Variants in TPRG1 observed in about 807,000 individuals in gnomAD.
The protein encoded by TPRG1 is tumor protein p63-regulated gene 1 protein.
Under a neutral mutation model 29.3 loss-of-function variants are expected in TPRG1, and 29 were observed. The ratio of observed to expected loss-of-function variants is 0.99; its 90% CI spans 0.74 to 1.35. The LOEUF is 1.35. TPRG1 is among the 40% of genes most tolerant of loss of function. The pLI, the probability that TPRG1 is intolerant of heterozygous loss-of-function variation, is 0.00. For missense variants in TPRG1, 327 were observed against 335.0 expected (o/e 0.98, Z 0.19); for synonymous variants, 130 against 116.8 (o/e 1.11, Z -0.73).
chr3:189,251,878 A>G (rs971999534), intron 4 of TPRG1, among the ~76,000 whole-genome samples: 6 of 152,124 alleles, frequency 3.9e-5, no homozygotes, highest in Admixed American at 3.9e-4. Flanking sequence ...GCAAAGAGGC[A>G]TGCCTTCCTC....
chr3:189,308,253 C>G (rs1284143246), intron 4 of TPRG1, among the ~76,000 whole-genome samples: 1 of 152,184 alleles, frequency 6.6e-6, no homozygotes, highest in African/African-American at 2.4e-5. Context: ...AGTGTCAAAA[C>G]CGAGACTGTA....
chr3:189,167,553 C>T (rs1728310325), upstream of TPRG1, among the ~76,000 whole-genome samples: 1 of 152,112 alleles, frequency 6.6e-6, no homozygotes, highest in African/African-American at 2.4e-5. Context: ...ATCCAGCCTC[C>T]TTGTTCAAGA....
intron 3 of TPRG1, among the ~76,000 whole-genome samples, chr3:189,230,786 T>C (rs1738519187): frequency 1.3e-5 from 2 of 152,116 alleles, no homozygotes; most frequent in Admixed American, 6.5e-5. Context: ...ATTGGATCAG[T>C]AGGGGGATTA....
Position 189,094,772 on chromosome 3 carries a change from C to G in TPRG1, c.-462-32285C>G, listed in dbSNP as rs563309647. The stretch of plus-strand genomic sequence containing the variant: ...AGACATGATAGGTAGTGCTGAGTAT[C>G]TGTGTGTGTCAATGTTGATGGGGGA... On this transcript the variant is annotated intron_variant, in intron 4 of 10. Coordinates refer to the TPRG1 transcript ENST00000433971. 2.6e-5 allele frequency among the ~76,000 whole-genome samples: 4 copies of G among 152,286 alleles called. No individual in the cohort carries two copies. In the South Asian group the frequency reaches 8.3e-4, roughly 32 times the overall value.
intron 1 of TPRG1, among the ~76,000 whole-genome samples, chr3:189,202,853 C>A (rs1733720281): frequency 6.6e-6 from 1 of 152,288 alleles, no homozygotes; most frequent in South Asian, 2.1e-4. Context: ...CCAGAACTCA[C>A]TGGGCTCAGA....
At chr3:189,131,627 C>T (rs1034752599) in intron 2 of TPRG1, among the ~76,000 whole-genome samples, 1 of 152,146 alleles carries the variant, frequency 6.6e-6, no homozygotes, top group African/African-American at 2.4e-5. Context: ...GCAGGTGAAG[C>T]CAAAATGCAG....
At chr3:189,168,814 T>A (rs981974460), upstream of TPRG1, among the ~76,000 whole-genome samples, 1 of 152,152 alleles carries the variant, frequency 6.6e-6, no homozygotes, top group South Asian at 2.1e-4. Flanking sequence ...ACAGTACCTA[T>A]TTACCCCCAG....
At chr3:189,053,198 GA>G (rs1234517501) in intron 4 of TPRG1, among the ~76,000 whole-genome samples, 2 of 152,126 alleles carry the variant, frequency 1.3e-5, no homozygotes, top group Non-Finnish European at 2.9e-5. Flanking sequence ...GCACTTTTAG[GA>G]AGACAGCTTT....
Position 189,085,208 on chromosome 3 carries a change from C to T in TPRG1, c.-462-41849C>T, listed in dbSNP as rs149540564. The stretch of plus-strand genomic sequence containing the variant: ...TACCAAGTGGGGCATAGGTACATTA[C>T]GGTCCTATAGGTGGGGTGAGGTGAA... On this transcript the variant is annotated intron_variant, in intron 4 of 10. Transcript: ENST00000433971. Among the ~76,000 whole-genome samples the T allele has an allele frequency of 9.2e-5, 14 of 152,254 alleles. 1 individual carries two copies. The highest frequency in any genetic ancestry group is 6.5e-5 in the Admixed American group (1 of 15,294).
chr3:189,050,586 G>A (rs1049159380), intron 4 of TPRG1, among the ~76,000 whole-genome samples: 18 of 152,120 alleles, frequency 1.2e-4, no homozygotes, highest in African/African-American at 4.3e-4. Context: ...ATTCTATGAA[G>A]CCAGCCTCAC....
At position 189,020,909 on chromosome 3, in the gene TPRG1, G is replaced by A. The variant is rs1100316; in HGVS notation, c.-659-2841G>A. 6.0e-4 allele frequency among the ~76,000 whole-genome samples: 22 copies of A among 36,434 alleles called. 2 individuals carry two copies. The highest frequency in any genetic ancestry group is 1.5e-3 in the African/African-American group (20 of 13,686). 23.9% of individuals were successfully genotyped at this position (36,434 alleles called of 152,430 possible). On this transcript the variant is annotated intron_variant, in intron 3 of 10. Coordinates refer to the TPRG1 transcript ENST00000433971. ...CTGAGGACTTGCTTTATGAATCTGG[G>A]TGCTCCTGTATTGGGTGCATATATA...
At chr3:189,309,753 T>C (rs987699063) in intron 4 of TPRG1, 20 of 152,344 alleles carry the variant, frequency 1.3e-4, no homozygotes, top group African/African-American at 4.8e-4. Flanking sequence ...CCACATCTTG[T>C]GGATTAAGAC....
chr3:189,078,929 G>A (rs930807104), intron 4 of TPRG1, among the ~76,000 whole-genome samples: 30 of 152,302 alleles, frequency 2.0e-4, no homozygotes, highest in African/African-American at 7.0e-4. Flanking sequence ...CTGTCATCGT[G>A]TCTCAGTCTG....
intron 1 of TPRG1, among the ~76,000 whole-genome samples, chr3:189,183,406 C>T (rs558066320): frequency 6.6e-5 from 10 of 152,170 alleles, no homozygotes; most frequent in African/African-American, 1.2e-4. Flanking sequence ...AATGAAGTTT[C>T]GGGCACCATT....
chr3:189,130,740 TA>T (rs560597216), intron 2 of TPRG1, among the ~76,000 whole-genome samples: 151 of 152,292 alleles, frequency 9.9e-4, no homozygotes, highest in Non-Finnish European at 1.4e-3. Flanking sequence ...CAATGTCTGT[TA>T]AAAAAATCCA....
chr3:189,239,239 C>T (rs184810807), intron 4 of TPRG1, among the ~76,000 whole-genome samples: 37 of 152,070 alleles, frequency 2.4e-4, no homozygotes, highest in African/African-American at 7.0e-4. Context: ...CTTATATGGC[C>T]GCAGCAAGAG....
chr3:189,227,566 A>C (rs1231965919), intron 3 of TPRG1, among the ~76,000 whole-genome samples: 1 of 152,170 alleles, frequency 6.6e-6, no homozygotes, highest in Non-Finnish European at 1.5e-5. Flanking sequence ...AGAAGTAGAG[A>C]GAAGCTTCTT....
At chr3:189,056,103 T>C (rs1292981120) in intron 4 of TPRG1, among the ~76,000 whole-genome samples, 1 of 141,884 alleles carries the variant, frequency 7.0e-6, no homozygotes, top group African/African-American at 2.6e-5. Context: ...CTTCCTTCCC[T>C]CTTTCTTTTC....
intron 3 of TPRG1, among the ~76,000 whole-genome samples, chr3:189,135,499 C>T (rs146258171): frequency 4.2e-4 from 64 of 152,290 alleles, no homozygotes; most frequent in Admixed American, 1.9e-3. Flanking sequence ...CAGTCTTCTT[C>T]GACATTTAGC....
Sources: gnomAD v4.1 joint callset for allele counts (sites outside exome capture counted in the v4.1 genomes callset) on GRCh38, gnomAD v4.1.1 for gene constraint, MANE v1.5 for transcripts, NCBI Gene and HGNC (gene_info 2026-07-23, HGNC 2026-07-21) for gene names.